TIAM2: variants seen among roughly 807,000 people sequenced by gnomAD.
The protein encoded by TIAM2 is rho guanine nucleotide exchange factor TIAM2.
Under a neutral mutation model 152.9 loss-of-function variants are expected in TIAM2, and 80 were observed. That is an observed-to-expected ratio of 0.52 (90% CI 0.44 to 0.63). TIAM2 has a LOEUF of 0.63. Ranked by LOEUF, TIAM2 falls within the 30% of genes least tolerant of loss-of-function variation. The pLI, the probability that TIAM2 is intolerant of heterozygous loss-of-function variation, is 0.00. For synonymous variants in TIAM2, 804 were observed against 838.0 expected (o/e 0.96, Z 0.70); for missense variants, 1,965 against 2,120.1 (o/e 0.93, Z 1.44).
chr6:155,176,999 A>G, intron 10 of TIAM2, 22 bp downstream of exon 10: 1 of 1,595,992 alleles, frequency 6.3e-7, no homozygotes, highest in South Asian at 1.1e-5. Context: ...TGCTGCAGAA[A>G]TATATTTCTG....
chr6:155,223,527 C>CT (rs11385281), intron 15 of TIAM2, among the ~76,000 whole-genome samples: 89,524 of 130,860 alleles, frequency 0.68, 30,386 homozygotes, highest in Admixed American at 0.78. Context: ...ATTTTTTTTT[C>CT]TTTTTTTTTT....
chr6:155,009,920 T>C (rs938526658), intron 1 of TIAM2, among the ~76,000 whole-genome samples: 2 of 152,038 alleles, frequency 1.3e-5, no homozygotes, highest in African/African-American at 4.8e-5. Context: ...TGGTGCAATC[T>C]CGGCTCACTG....
In TIAM2 at chr6:155,172,680, A is replaced by G. The variant is rs1192467333; in HGVS notation, c.2362-4136A>G. 6.4e-3 allele frequency among the ~76,000 whole-genome samples: 88 copies of G among 13,840 alleles called. 3 individuals carry two copies. In the Admixed American group the frequency reaches 0.064, roughly 10 times the overall value. The allele number at this position is 13,840 out of a possible 152,430, so 9.1% of individuals were successfully genotyped here. ...TATATATATATATATATATATATAT[A>G]TATATATTTTTTTTTTTTTTTTTTT... is the stretch of plus-strand genomic sequence containing the variant. On this transcript the variant is annotated intron_variant, in intron 9 of 26. Transcript: ENST00000682666.
At chr6:154,997,629 A>ATTTTTTTTTT (rs57280691) in intron 1 of TIAM2, among the ~76,000 whole-genome samples, 1 of 62,082 alleles carries the variant, frequency 1.6e-5, no homozygotes, top group African/African-American at 6.8e-5. Context: ...GAAAGAATGG[A>ATTTTTTTTTT]TTTTTTTTTT....
At chr6:155,040,459 T>A (rs1419262450) in intron 1 of TIAM2, among the ~76,000 whole-genome samples, 1 of 151,848 alleles carries the variant, frequency 6.6e-6, no homozygotes, top group Non-Finnish European at 1.5e-5. Flanking sequence ...TAGGCAAGAG[T>A]GGAATCCTGG....
chr6:155,082,685 TAAA>T (rs1436344273), intron 1 of TIAM2, among the ~76,000 whole-genome samples: 1 of 150,996 alleles, frequency 6.6e-6, no homozygotes, highest in East Asian at 1.9e-4. Context: ...AATAAATAAA[TAAA>T]TAAATAAATA....
chr6:155,151,887 C>T (rs996265527), intron 7 of TIAM2, among the ~76,000 whole-genome samples: 7 of 149,008 alleles, frequency 4.7e-5, no homozygotes, highest in Admixed American at 1.3e-4. Context: ...TCTTGATGCC[C>T]AGGCTGGATT....
chr6:155,166,162 G>A (rs914740331), intron 9 of TIAM2, among the ~76,000 whole-genome samples: 1 of 152,060 alleles, frequency 6.6e-6, no homozygotes, highest in African/African-American at 2.4e-5. Flanking sequence ...CACTTGAAGA[G>A]GTTACGTCAC....
intron 7 of TIAM2, among the ~76,000 whole-genome samples, chr6:155,153,041 A>G (rs994950505): frequency 2.0e-5 from 3 of 152,064 alleles, no homozygotes; most frequent in Admixed American, 6.6e-5. Context: ...CTGAAGAGAA[A>G]CTGTTTTAAA....
intron 1 of TIAM2, among the ~76,000 whole-genome samples, chr6:155,065,819 A>G (rs1032144): frequency 0.046 from 6,948 of 152,238 alleles, 568 homozygotes; most frequent in African/African-American, 0.16. Flanking sequence ...ACAGTGCACA[A>G]GAGAAACTGC....
At chr6:155,198,755 G>A (rs1781411335) in intron 14 of TIAM2, among the ~76,000 whole-genome samples, 1 of 150,378 alleles carries the variant, frequency 6.6e-6, no homozygotes, top group Admixed American at 6.6e-5. Flanking sequence ...GGAATCCTTG[G>A]AACACATCTT....
chr6:155,012,126 A>G (rs1483055051), intron 1 of TIAM2, among the ~76,000 whole-genome samples: 1 of 152,250 alleles, frequency 6.6e-6, no homozygotes, highest in Non-Finnish European at 1.5e-5. Flanking sequence ...ACAGTGTTTG[A>G]ATAGAGCCTA....
chr6:155,162,300 C>T (rs1288378988), intron 7 of TIAM2, among the ~76,000 whole-genome samples: 1 of 152,198 alleles, frequency 6.6e-6, no homozygotes. Context: ...ACCCTCCATA[C>T]AACCTTCAGA....
chr6:155,032,544 G>GT (rs1776844997), intron 1 of TIAM2, among the ~76,000 whole-genome samples: 1 of 151,990 alleles, frequency 6.6e-6, no homozygotes, highest in Non-Finnish European at 1.5e-5. Flanking sequence ...AGGGATTTTT[G>GT]TTTTTTTCTT....
At chr6:155,009,302 A>G (rs1778449309) in intron 1 of TIAM2, among the ~76,000 whole-genome samples, 1 of 151,406 alleles carries the variant, frequency 6.6e-6, no homozygotes, top group African/African-American at 2.4e-5. Flanking sequence ...GAGCTTCACC[A>G]TGTTGCCCAG....
At chr6:155,077,351 A>G (rs1207325209) in intron 1 of TIAM2, among the ~76,000 whole-genome samples, 1 of 152,180 alleles carries the variant, frequency 6.6e-6, no homozygotes, top group Non-Finnish European at 1.5e-5. Context: ...GAATATTAAG[A>G]AAATATTTTT....
At chr6:155,252,141 C>T (rs77522040) in intron 23 of TIAM2, 138 bp downstream of exon 23, 37,914 of 650,138 alleles carry the variant, frequency 0.058, 1,667 homozygotes, top group East Asian at 0.19. Flanking sequence ...AACCCCATCA[C>T]ATACTGAGAG....
chr6:155,142,589 A>G (rs1234089295), intron 5 of TIAM2, among the ~76,000 whole-genome samples: 1 of 152,214 alleles, frequency 6.6e-6, no homozygotes, highest in Non-Finnish European at 1.5e-5. Context: ...AGCATGTGCA[A>G]CAGTAGCATC....
At position 155,214,831 on chromosome 6, in the gene TIAM2, G is replaced by A. The variant is rs988886760; in HGVS notation, c.3168+3524G>A. On this transcript the variant is annotated intron_variant, in intron 15 of 26. Coordinates refer to ENST00000682666, the MANE Select transcript of TIAM2 (RefSeq NM_012454.4). The surrounding 1 kb of genome is among the most constrained non-coding windows in gnomAD (Gnocchi z 5.4). ...TTATTTTAATAATACAATAGATATG[G>A]GGTCTCACTATGTTGCTGAGGCTGG... is the stretch of plus-strand genomic sequence containing the variant. 1.3e-5 allele frequency among the ~76,000 whole-genome samples: 2 copies of A among 152,022 alleles called. No homozygotes were observed. The highest frequency in any genetic ancestry group is 2.9e-5 in the Non-Finnish European group (2 of 68,008).
Sources: allele counts gnomAD v4.1 joint callset (sites outside exome capture counted in the v4.1 genomes callset), GRCh38; gene constraint gnomAD v4.1.1; non-coding constraint Gnocchi (gnomAD v3.1); transcripts MANE v1.5; gene names NCBI Gene and HGNC (gene_info 2026-07-23, HGNC 2026-07-21).